The following DPP6 variants were observed in gnomAD, a reference collection of about 807,000 sequenced individuals.
The protein encoded by DPP6 is A-type potassium channel modulatory protein DPP6.
Under a neutral mutation model 122.6 loss-of-function variants are expected in DPP6, and 69 were observed. The observed-to-expected ratio is 0.56, with a 90% CI of 0.46 to 0.69. The LOEUF is 0.69. Among genes scored for constraint, DPP6 ranks in the 30% least tolerant of loss-of-function variants. The probability of loss-of-function intolerance (pLI) is 0.00; values close to 1 mark genes in which losing one functional copy is unlikely to be tolerated. For missense variants in DPP6, 928 were observed against 1,116.9 expected (o/e 0.83, Z 2.41); for synonymous variants, 418 against 433.1 (o/e 0.97, Z 0.43).
the DPP6 span, among the ~76,000 whole-genome samples, chr7:153,790,469 G>A: frequency 4.8e-4 from 73 of 152,172 alleles, no homozygotes; most frequent in Non-Finnish European, 5.4e-4. Flanking sequence ...TAAGATCCCC[G>A]AGTTTCCTGT....
At chr7:154,629,320 T>G (rs1835271350) in intron 5 of DPP6, among the ~76,000 whole-genome samples, 1 of 152,210 alleles carries the variant, frequency 6.6e-6, no homozygotes, top group Admixed American at 6.5e-5. Context: ...CAGCTTCTTT[T>G]TGGTGCTTTT....
At chr7:153,948,173 A>AT (rs201962292) in intron 1 of DPP6, among the ~76,000 whole-genome samples, 153 of 152,010 alleles carry the variant, frequency 1.0e-3, no homozygotes, top group African/African-American at 3.1e-3. Context: ...AATTGCCATG[A>AT]TTTTTTTTCA....
chr7:153,908,473 T>C (rs1799942390), intron 1 of DPP6, among the ~76,000 whole-genome samples: 1 of 152,152 alleles, frequency 6.6e-6, no homozygotes, highest in South Asian at 2.1e-4. Flanking sequence ...GATAGTAGAG[T>C]ACCAAAAAAT....
intron 1 of DPP6, among the ~76,000 whole-genome samples, chr7:153,932,123 C>CTTTTTTTTTTTTTTTTTTTT: frequency 7.4e-6 from 1 of 135,712 alleles, no homozygotes. Flanking sequence ...CATTTTGTGC[C>CTTTTTTTTTTTTTTTTTTTT]TTTTTTTTTT....
At chr7:154,293,595 T>G (rs1805342977) in intron 1 of DPP6, among the ~76,000 whole-genome samples, 1 of 152,218 alleles carries the variant, frequency 6.6e-6, no homozygotes, top group South Asian at 2.1e-4. Context: ...CCACATTTTC[T>G]TTCTGCTGAA....
At chr7:154,202,832 C>G (rs948839833) in intron 1 of DPP6, among the ~76,000 whole-genome samples, 8 of 152,186 alleles carry the variant, frequency 5.3e-5, no homozygotes, top group Non-Finnish European at 1.0e-4. Flanking sequence ...TTGTCTGAGT[C>G]CCCAGAGCTA....
At chr7:154,804,221 G>A (rs1233578674) in intron 14 of DPP6, among the ~76,000 whole-genome samples, 3 of 152,230 alleles carry the variant, frequency 2.0e-5, no homozygotes, top group South Asian at 2.1e-4. Flanking sequence ...AGTAGTAGGG[G>A]TAGTACTGAT....
the DPP6 span, among the ~76,000 whole-genome samples, chr7:153,797,109 G>T: frequency 6.6e-6 from 1 of 152,176 alleles, no homozygotes; most frequent in African/African-American, 2.4e-5. Flanking sequence ...GAGGGAACTT[G>T]AAAGTGGATC....
chr7:154,163,759 G>A (rs1213701745), intron 1 of DPP6, among the ~76,000 whole-genome samples: 1 of 152,306 alleles, frequency 6.6e-6, no homozygotes, highest in Admixed American at 6.5e-5. Flanking sequence ...CTCTGGAGAA[G>A]GTTCCAGGAT....
chr7:154,615,631 A>T (rs1300677450), intron 5 of DPP6, among the ~76,000 whole-genome samples: 1 of 152,168 alleles, frequency 6.6e-6, no homozygotes, highest in Non-Finnish European at 1.5e-5. Flanking sequence ...CACCCGCAAC[A>T]GATCCCAATG....
At chr7:154,127,624 C>G (rs1237536404) in intron 1 of DPP6, among the ~76,000 whole-genome samples, 10 of 122,018 alleles carry the variant, frequency 8.2e-5, no homozygotes, top group South Asian at 2.6e-4. Flanking sequence ...CACACACACA[C>G]ACACACACAG....
At chr7:154,180,219 G>A (rs757901533) in intron 1 of DPP6, among the ~76,000 whole-genome samples, 2 of 151,560 alleles carry the variant, frequency 1.3e-5, no homozygotes, top group East Asian at 3.9e-4. Flanking sequence ...ATGGTAGTGC[G>A]CACCTATAAT....
At chr7:154,494,293 C>T (rs888555044) in intron 3 of DPP6, among the ~76,000 whole-genome samples, 29 of 151,814 alleles carry the variant, frequency 1.9e-4, no homozygotes, top group African/African-American at 6.8e-4. Context: ...GAGGGACAGG[C>T]TGTGGTGGGC....
intron 1 of DPP6, among the ~76,000 whole-genome samples, chr7:153,937,398 A>G (rs903720815): frequency 6.6e-6 from 1 of 150,614 alleles, no homozygotes; most frequent in Non-Finnish European, 1.5e-5. Context: ...TCCTTTCTTC[A>G]ATTTGTTCTT....
chr7:154,086,112 G>T (rs1427980620), intron 1 of DPP6, among the ~76,000 whole-genome samples: 1 of 152,168 alleles, frequency 6.6e-6, no homozygotes, highest in African/African-American at 2.4e-5. Flanking sequence ...TTTAGAGATA[G>T]AGACATAAAT....
intron 8 of DPP6, among the ~76,000 whole-genome samples, chr7:154,763,858 T>C (rs994308819): frequency 1.3e-5 from 2 of 152,146 alleles, no homozygotes; most frequent in East Asian, 1.9e-4. Context: ...TAGATACAAC[T>C]GCCAAGGAGA....
At chr7:154,867,036 C>G (rs578230511) in intron 17 of DPP6, among the ~76,000 whole-genome samples, 1 of 149,978 alleles carries the variant, frequency 6.7e-6, no homozygotes, top group African/African-American at 2.5e-5. Context: ...GACATCCATT[C>G]TAGCATTGTT....
intron 6 of DPP6, among the ~76,000 whole-genome samples, chr7:154,640,324 G>A (rs754006327): frequency 1.4e-4 from 22 of 152,134 alleles, no homozygotes; most frequent in Non-Finnish European, 2.9e-4. Flanking sequence ...TAGCTATAAA[G>A]ATGAGATTTT....
At chr7:154,591,329 C>A (rs1190597600) in intron 5 of DPP6, among the ~76,000 whole-genome samples, 1 of 152,150 alleles carries the variant, frequency 6.6e-6, no homozygotes, top group Non-Finnish European at 1.5e-5. Flanking sequence ...ATGGGTCTAG[C>A]CCTAATGATG....
Sources: allele counts gnomAD v4.1 joint callset (sites outside exome capture counted in the v4.1 genomes callset), GRCh38; gene constraint gnomAD v4.1.1; transcripts MANE v1.5; gene names NCBI Gene and HGNC (gene_info 2026-07-23, HGNC 2026-07-21).